The following DNM1L variants were observed in gnomAD, a reference collection of about 807,000 sequenced individuals.
DNM1L encodes the protein dynamin 1L.
Under a neutral mutation model 92.8 loss-of-function variants are expected in DNM1L, and 33 were observed. The ratio of observed to expected loss-of-function variants is 0.36; its 90% CI spans 0.27 to 0.48. The LOEUF (loss-of-function observed/expected upper bound fraction) is 0.48. Among genes scored for constraint, DNM1L ranks in the 20% least tolerant of loss-of-function variants. DNM1L has a pLI of 0.99. For synonymous variants in DNM1L, 284 were observed against 305.0 expected (o/e 0.93, Z 0.72); for missense variants, 485 against 888.8 (o/e 0.55, Z 5.78).
At chr12:32,722,980 C>T (rs910470929) in intron 9 of DNM1L, among the ~76,000 whole-genome samples, 18 of 151,674 alleles carry the variant, frequency 1.2e-4, no homozygotes, top group African/African-American at 4.4e-4. Context: ...TAATTGCTCA[C>T]AAAAATTAGA....
At chr12:32,739,088 A>G (rs1407631782) in intron 16 of DNM1L, among the ~76,000 whole-genome samples, 1 of 152,206 alleles carries the variant, frequency 6.6e-6, no homozygotes, top group Non-Finnish European at 1.5e-5. Context: ...ACTCATTTTT[A>G]AGTTAATGTG....
chr12:32,732,125 C>T (rs537980333), intron 12 of DNM1L, among the ~76,000 whole-genome samples, 182 bp downstream of exon 12: 1 of 152,134 alleles, frequency 6.6e-6, no homozygotes, highest in East Asian at 1.9e-4. Flanking sequence ...TTTAATAATT[C>T]TGGTATAAAG....
intron 12 of DNM1L, chr12:32,733,437 A>G (rs901911695): frequency 5.4e-6 from 2 of 371,346 alleles, no homozygotes; most frequent in Non-Finnish European, 9.7e-6. Context: ...GTAGATGACT[A>G]TTTTTCCCTA....
In DNM1L at chr12:32,742,661, G is replaced by C. The variant is rs1339087646; in HGVS notation, c.2067G>C (p.Gln689His). The C allele has an allele frequency of 6.2e-7, 1 of 1,614,140 alleles. No individual in the cohort carries two copies. The highest frequency in any genetic ancestry group is 2.2e-5 in the East Asian group (1 of 44,864). ...KDTLQSELVG[Q>H]LYKSSLLDDL... Reference sequence around the variant, plus strand: ...CTCTTCAGAGTGAGCTAGTAGGCCAGCTGTATAAATCATCCTTATTGGATG... The same window carrying C: ...CTCTTCAGAGTGAGCTAGTAGGCCACCTGTATAAATCATCCTTATTGGATG... The change falls in exon 19 of 20, where the codon CAG (glutamine) becomes CAC (histidine). Residue 689 changes from glutamine (Q) to histidine (H), a missense_variant. Coordinates refer to ENST00000549701, the MANE Select transcript of DNM1L (RefSeq NM_012062.5).
At chr12:32,691,414 T>A (rs563987588) in intron 1 of DNM1L, among the ~76,000 whole-genome samples, 1 of 152,282 alleles carries the variant, frequency 6.6e-6, no homozygotes, top group Non-Finnish European at 1.5e-5. Flanking sequence ...AATTTTTGTA[T>A]TTTTAGTAGA....
intron 1 of DNM1L, 183 bp downstream of exon 1, chr12:32,679,648 A>G: frequency 7.6e-7 from 1 of 1,310,228 alleles, no homozygotes; most frequent in South Asian, 2.1e-5. Context: ...CTCCCGGGGC[A>G]GCGTTGCATC....
chr12:32,714,126 C>CT (rs1384392319), intron 6 of DNM1L, among the ~76,000 whole-genome samples: 2 of 152,010 alleles, frequency 1.3e-5, no homozygotes. Context: ...TTTTTTTCAC[C>CT]TTACTATTCA....
Position 32,708,174 on chromosome 12 carries a change from A to G in DNM1L, c.319A>G (p.Ile107Val). Residue 107 changes from isoleucine to valine, a missense_variant, in exon 4 of 20, where the codon ATT (isoleucine) becomes GTT (valine). Around this residue, in one of 11 missense-constraint regions of DNM1L, gnomAD observed 159 missense variants for 275.9 expected, o/e 0.58. Transcript: ENST00000549701. ...TTAGCTTTACACGGATTTTGATGAA[A>G]TTCGACAAGAAATTGAAAATGAAAC... is the stretch of plus-strand genomic sequence containing the variant. ...KNKLYTDFDE[I>V]RQEIENETER... 1 of 1,605,258 alleles carries G rather than the reference A, an allele frequency of 6.2e-7. No homozygotes were observed. The highest frequency in any genetic ancestry group is 8.5e-7 in the Non-Finnish European group (1 of 1,172,870).
rs200938430 is a variant in DNM1L, at chr12:32,679,411, C to T, written c.48C>T (p.Asn16=). 1 of 1,613,826 alleles carries T rather than the reference C, an allele frequency of 6.2e-7. No individual in the cohort carries two copies. Among genetic ancestry groups the T allele is most frequent in the Non-Finnish European group, 8.5e-7 (1 of 1,179,930 alleles). The change falls in exon 1 of 20, where the codon AAC becomes AAT. Residue 16 remains asparagine (N), a synonymous_variant. Transcript: ENST00000549701. ...TAAACAAGCTCCAGGACGTCTTCAACACGGTGGGCGCCGACATCATCCAGC... is the reference window on the plus strand; with the variant it reads ...TAAACAAGCTCCAGGACGTCTTCAATACGGTGGGCGCCGACATCATCCAGC... ...PVINKLQDVF[N]TVGADIIQLP... is the part of the protein sequence containing the mutation.
chr12:32,700,741 G>A (rs1443406837), intron 1 of DNM1L, among the ~76,000 whole-genome samples: 1 of 151,942 alleles, frequency 6.6e-6, no homozygotes, highest in African/African-American at 2.4e-5. Context: ...GTGACACACT[G>A]TAATAATAAT....
chr12:32,691,936 T>G (rs1952250142), intron 1 of DNM1L, among the ~76,000 whole-genome samples: 1 of 151,760 alleles, frequency 6.6e-6, no homozygotes, highest in African/African-American at 2.4e-5. Context: ...AAAAGAATAC[T>G]ACAAGCTTCT....
At chr12:32,719,898 G>T (rs763508527) in intron 7 of DNM1L, among the ~76,000 whole-genome samples, 15 of 152,182 alleles carry the variant, frequency 9.9e-5, no homozygotes, top group Admixed American at 5.2e-4. Context: ...AGCTGGATTC[G>T]GATGAATATC....
At chr12:32,712,074 T>C (rs992608065) in intron 5 of DNM1L, among the ~76,000 whole-genome samples, 1 of 152,188 alleles carries the variant, frequency 6.6e-6, no homozygotes, top group Non-Finnish European at 1.5e-5. Flanking sequence ...CTAGCCACTA[T>C]CATGCTACCT....
intron 16 of DNM1L, among the ~76,000 whole-genome samples, chr12:32,739,426 C>T (rs974399528): frequency 4.6e-5 from 7 of 152,150 alleles, no homozygotes; most frequent in African/African-American, 1.7e-4. Flanking sequence ...TCAGCAAATC[C>T]TTAAGAGTAC....
chr12:32,715,539 C>T (rs1427065231), intron 6 of DNM1L, among the ~76,000 whole-genome samples: 1 of 151,920 alleles, frequency 6.6e-6, no homozygotes, highest in African/African-American at 2.4e-5. Context: ...TCCAGAGCAG[C>T]CTGACCAACA....
intron 8 of DNM1L, 25 bp downstream of exon 8, chr12:32,720,820 G>C (rs1177012475): frequency 6.2e-7 from 1 of 1,611,442 alleles, no homozygotes; most frequent in Non-Finnish European, 8.5e-7. Flanking sequence ...TTTTGGAAAT[G>C]AGATGTGTTT....
chr12:32,737,922 T>G lies in DNM1L; in HGVS notation c.1654T>G (p.Ser552Ala). The G allele has an allele frequency of 1.2e-6, 2 of 1,613,974 alleles. No homozygotes were observed. The highest frequency in any genetic ancestry group is 2.2e-5 in the South Asian group (2 of 91,026). The change falls in exon 15 of 20, where the codon TCT becomes GCT. Residue 552 changes from serine to alanine, a missense_variant. Ser to Ala is a moderately conservative substitution (Grantham distance 99, BLOSUM62 1). This residue lies in a region of DNM1L where 65 missense variants were observed against 59.4 expected (regional missense o/e 1.09). Transcript: ENST00000549701. ...CTCCCAGGAGCCCTCCCCCGCTGCT[T>G]CTGCTGAGGCTGATGGCAAGGTCTG... ...PASQEPSPAA[S>A]AEADGKLIQD... is the part of the protein sequence containing the mutation.
intron 1 of DNM1L, among the ~76,000 whole-genome samples, chr12:32,682,880 C>T (rs1156662401): frequency 6.6e-6 from 1 of 152,082 alleles, no homozygotes; most frequent in Non-Finnish European, 1.5e-5. Context: ...CTAGTAGAGA[C>T]CATCTGTGTG....
intron 1 of DNM1L, among the ~76,000 whole-genome samples, chr12:32,698,332 C>T (rs1170045573): frequency 3.3e-5 from 5 of 152,246 alleles, no homozygotes; most frequent in Admixed American, 6.5e-5. Context: ...AAAAAAGTCC[C>T]GGTCTTGATT....
Sources: gnomAD v4.1 joint callset for allele counts (sites outside exome capture counted in the v4.1 genomes callset) on GRCh38, gnomAD v4.1.1 for gene constraint, gnomAD v4.1.1 regional missense constraint, MANE v1.5 for transcripts, NCBI Gene and HGNC (gene_info 2026-07-23, HGNC 2026-07-21) for gene names.